SAMD3: variants seen among roughly 807,000 people sequenced by gnomAD.
SAMD3 encodes sterile alpha motif domain containing 3.
Under a neutral mutation model 58.5 loss-of-function variants are expected in SAMD3, and 63 were observed. The observed-to-expected ratio is 1.08, with a 90% CI of 0.88 to 1.33. The LOEUF (loss-of-function observed/expected upper bound fraction) is 1.33. SAMD3 is among the 40% of genes most tolerant of loss of function. The probability of loss-of-function intolerance (pLI) is 0.00; values close to 1 mark genes in which losing one functional copy is unlikely to be tolerated. For synonymous variants in SAMD3, 220 were observed against 210.3 expected (o/e 1.05, Z -0.40); for missense variants, 604 against 608.4 (o/e 0.99, Z 0.08).
chr6:130,274,577 C>A (rs945893299), intron 2 of SAMD3, among the ~76,000 whole-genome samples: 1 of 151,956 alleles, frequency 6.6e-6, no homozygotes, highest in Non-Finnish European at 1.5e-5. Flanking sequence ...ATATTTTGGG[C>A]CAAAGAGATT....
intron 2 of SAMD3, among the ~76,000 whole-genome samples, chr6:130,242,574 C>A (rs926019209): frequency 3.9e-5 from 6 of 152,186 alleles, no homozygotes; most frequent in African/African-American, 1.2e-4. Flanking sequence ...GAGGGCTATA[C>A]TTCTTTGATG....
chr6:130,169,415 C>T (rs1056296984), intron 8 of SAMD3, among the ~76,000 whole-genome samples: 3 of 152,206 alleles, frequency 2.0e-5, no homozygotes, highest in Non-Finnish European at 2.9e-5. Flanking sequence ...AAAGAATCAG[C>T]GATTTGCACT....
rs867999979 is a variant in SAMD3, at chr6:130,357,523, C to G, written c.-304+7597G>C. 3.9e-5 allele frequency among the ~76,000 whole-genome samples: 6 copies of G among 152,266 alleles called. No homozygotes were observed. In the South Asian group the frequency reaches 6.2e-4, roughly 16 times the overall value. On this transcript the variant is annotated intron_variant, in intron 1 of 13. Coordinates refer to the SAMD3 transcript ENST00000368134. Reference sequence around the variant, plus strand: ...CACATTAACTCCTGACTTGCAGTAGCCCCTGGCAAACCACCTGTACTCCTG... The same window carrying G: ...CACATTAACTCCTGACTTGCAGTAGGCCCTGGCAAACCACCTGTACTCCTG...
chr6:130,262,093 A>T (rs576145929), intron 2 of SAMD3, among the ~76,000 whole-genome samples: 390 of 152,264 alleles, frequency 2.6e-3, no homozygotes, highest in Non-Finnish European at 4.5e-3. Flanking sequence ...CTATTCCTTT[A>T]AAAGCCAAGG....
chr6:130,283,642 T>C (rs1178307543), intron 2 of SAMD3, among the ~76,000 whole-genome samples: 1 of 152,182 alleles, frequency 6.6e-6, no homozygotes, highest in African/African-American at 2.4e-5. Context: ...TAATCTAGAA[T>C]AAATTATACA....
At position 130,144,683 on chromosome 6, in the gene SAMD3, G is replaced by GCC; in HGVS notation, c.1398_1399dup (p.Ala467GlyfsTer4). Reference sequence around the variant, plus strand: ...TACATGAAAGGCAGCTACTAGCGCAGCCAAGGCTGTAACACAGTCGTCCAC... The same window carrying GCC: ...TACATGAAAGGCAGCTACTAGCGCAGCCCCAAGGCTGTAACACAGTCGTCCAC... On this transcript the variant is annotated frameshift_variant, in exon 12 of 12. Coordinates refer to ENST00000439090, the MANE Select transcript of SAMD3 (RefSeq NM_001017373.4). LOFTEE classifies it high-confidence loss of function. 1.2e-6 allele frequency: 2 copies of GCC among 1,614,168 alleles called. No homozygotes were observed. Among genetic ancestry groups the GCC allele is most frequent in the Non-Finnish European group, 1.7e-6 (2 of 1,180,000 alleles).
At chr6:130,273,603 A>ATTTTT (rs142686259) in intron 2 of SAMD3, among the ~76,000 whole-genome samples, 2 of 149,752 alleles carry the variant, frequency 1.3e-5, no homozygotes, top group African/African-American at 4.9e-5. Flanking sequence ...CATTTTATTG[A>ATTTTT]TTTTTTTTGT....
chr6:130,243,919 A>T (rs1773448553), intron 2 of SAMD3, among the ~76,000 whole-genome samples: 1 of 152,192 alleles, frequency 6.6e-6, no homozygotes, highest in African/African-American at 2.4e-5. Context: ...ATGAATATAT[A>T]TGTCTGCAAC....
At chr6:130,150,939 C>A (rs1234997695) in intron 9 of SAMD3, among the ~76,000 whole-genome samples, 1 of 151,908 alleles carries the variant, frequency 6.6e-6, no homozygotes, top group Non-Finnish European at 1.5e-5. Flanking sequence ...CTCGAACTCC[C>A]GACCTCAAGT....
intron 1 of SAMD3, among the ~76,000 whole-genome samples, chr6:130,329,388 A>C (rs1310735385): frequency 6.6e-6 from 1 of 152,096 alleles, no homozygotes; most frequent in Non-Finnish European, 1.5e-5. Context: ...ATTTTCACAT[A>C]AAAAGCACCC....
intron 1 of SAMD3, among the ~76,000 whole-genome samples, chr6:130,334,490 T>C (rs1010789385): frequency 1.3e-5 from 2 of 152,208 alleles, no homozygotes; most frequent in Non-Finnish European, 2.9e-5. Context: ...CAACATAGTA[T>C]GGTAGAAACA....
At chr6:130,233,832 A>G (rs1191263577) in intron 2 of SAMD3, among the ~76,000 whole-genome samples, 1 of 152,222 alleles carries the variant, frequency 6.6e-6, no homozygotes. Context: ...TGCTTTTGCA[A>G]TTAAGATGAA....
intron 5 of SAMD3, among the ~76,000 whole-genome samples, chr6:130,194,663 A>G (rs546484135): frequency 1.7e-4 from 26 of 152,256 alleles, no homozygotes; most frequent in South Asian, 4.1e-4. Context: ...CACAGCCCAG[A>G]ATTCCTCCTA....
chr6:130,336,108 T>C (rs1163382406), intron 1 of SAMD3, among the ~76,000 whole-genome samples: 1 of 152,184 alleles, frequency 6.6e-6, no homozygotes, highest in Non-Finnish European at 1.5e-5. Context: ...GGCACATGTA[T>C]ACATATGTAA....
intron 2 of SAMD3, among the ~76,000 whole-genome samples, chr6:130,298,282 C>G (rs1327554295): frequency 1.3e-5 from 2 of 152,090 alleles, no homozygotes; most frequent in Non-Finnish European, 2.9e-5. Context: ...TCCTGCCAAA[C>G]AAGCTTCATA....
At chr6:130,342,446 G>C (rs1777302503) in intron 1 of SAMD3, among the ~76,000 whole-genome samples, 1 of 151,852 alleles carries the variant, frequency 6.6e-6, no homozygotes, top group Non-Finnish European at 1.5e-5. Context: ...CTAAGAATTG[G>C]GTTATTAATT....
chr6:130,152,138 T>C (rs1789258140), intron 9 of SAMD3, among the ~76,000 whole-genome samples: 1 of 152,112 alleles, frequency 6.6e-6, no homozygotes. Flanking sequence ...TCTGCCACCC[T>C]GTCTCCACCA....
At chr6:130,334,583 C>T (rs1034791796) in intron 1 of SAMD3, among the ~76,000 whole-genome samples, 1 of 152,188 alleles carries the variant, frequency 6.6e-6, no homozygotes, top group African/African-American at 2.4e-5. Flanking sequence ...GCAAGTTATA[C>T]AGTCTCTCTG....
intron 2 of SAMD3, among the ~76,000 whole-genome samples, chr6:130,290,553 T>C (rs1181585553): frequency 6.6e-6 from 1 of 152,188 alleles, no homozygotes; most frequent in Admixed American, 6.5e-5. Context: ...CCTAGCCTAG[T>C]TGACACGTAA....
Sources: allele counts gnomAD v4.1 joint callset (sites outside exome capture counted in the v4.1 genomes callset), GRCh38; gene constraint gnomAD v4.1.1; transcripts MANE v1.5; gene names NCBI Gene and HGNC (gene_info 2026-07-23, HGNC 2026-07-21).